Variants in EVI5 observed in about 807,000 individuals in gnomAD.
The protein encoded by EVI5 is ecotropic viral integration site 5 protein homolog.
Under a neutral mutation model 112.0 loss-of-function variants are expected in EVI5, and 73 were observed. The observed-to-expected ratio is 0.65, with a 90% CI of 0.54 to 0.79. The LOEUF is 0.79. EVI5 is among the 30% of genes least tolerant of loss of function. The pLI, the probability that EVI5 is intolerant of heterozygous loss-of-function variation, is 0.00. For synonymous variants in EVI5, 305 were observed against 319.9 expected (o/e 0.95, Z 0.50); for missense variants, 900 against 968.8 (o/e 0.93, Z 0.94).
intron 13 of EVI5, among the ~76,000 whole-genome samples, chr1:92,643,575 T>C (rs1660398334): frequency 6.6e-6 from 1 of 152,184 alleles, no homozygotes; most frequent in Non-Finnish European, 1.5e-5. Flanking sequence ...TGCCTGGCCT[T>C]CAATCATTTT....
At chr1:92,654,473 C>G (rs529011264) in intron 13 of EVI5, among the ~76,000 whole-genome samples, 47 of 152,200 alleles carry the variant, frequency 3.1e-4, no homozygotes, top group African/African-American at 1.0e-3. Flanking sequence ...TACATTCTGC[C>G]AAGGAAGCAC....
At chr1:92,745,641 T>C (rs933369669) in intron 1 of EVI5, among the ~76,000 whole-genome samples, 2 of 151,848 alleles carry the variant, frequency 1.3e-5, no homozygotes, top group Admixed American at 1.3e-4. Flanking sequence ...TAATGAGACC[T>C]CATCTCTACA....
chr1:92,665,460 T>C (rs746973543), intron 11 of EVI5, among the ~76,000 whole-genome samples: 10 of 152,100 alleles, frequency 6.6e-5, no homozygotes, highest in Non-Finnish European at 1.3e-4. Flanking sequence ...GAACTAAAAG[T>C]TTATGCACAA....
At chr1:92,570,362 C>CACT (rs1243401179) in intron 18 of EVI5, among the ~76,000 whole-genome samples, 1 of 151,974 alleles carries the variant, frequency 6.6e-6, no homozygotes, top group Non-Finnish European at 1.5e-5. Context: ...AGGTCATACT[C>CACT]ACTCCCTTGG....
chr1:92,679,695 G>T (rs986962763), intron 9 of EVI5, among the ~76,000 whole-genome samples: 3 of 152,148 alleles, frequency 2.0e-5, no homozygotes, highest in African/African-American at 7.2e-5. Context: ...TAAAGCCCAT[G>T]ACAGTTTTGA....
At chr1:92,777,297 T>G (rs1480426019) in intron 1 of EVI5, among the ~76,000 whole-genome samples, 1 of 152,206 alleles carries the variant, frequency 6.6e-6, no homozygotes, top group Non-Finnish European at 1.5e-5. Flanking sequence ...GAACTATTAT[T>G]CATGCAACAT....
At chr1:92,551,966 T>A (rs1218534521) in intron 19 of EVI5, among the ~76,000 whole-genome samples, 1 of 152,168 alleles carries the variant, frequency 6.6e-6, no homozygotes, top group African/African-American at 2.4e-5. Flanking sequence ...GACCATCTCT[T>A]CAGAAATTTA....
chr1:92,606,392 T>C (rs980263637), intron 17 of EVI5, among the ~76,000 whole-genome samples: 1 of 152,184 alleles, frequency 6.6e-6, no homozygotes, highest in Non-Finnish European at 1.5e-5. Flanking sequence ...AAGATTAAAT[T>C]TAGTTATCTA....
chr1:92,765,810 T>A (rs1426094402), intron 1 of EVI5, among the ~76,000 whole-genome samples: 1 of 152,150 alleles, frequency 6.6e-6, no homozygotes, highest in Non-Finnish European at 1.5e-5. Context: ...GCATGGTGGT[T>A]CATGCCTGTA....
intron 19 of EVI5, among the ~76,000 whole-genome samples, chr1:92,520,693 A>G (rs911210359): frequency 1.3e-5 from 2 of 151,740 alleles, no homozygotes; most frequent in African/African-American, 4.8e-5. Flanking sequence ...TCTACAAAAA[A>G]CACAAAAATT....
chr1:92,555,042 T>A (rs1381957897), intron 19 of EVI5, among the ~76,000 whole-genome samples: 1 of 152,156 alleles, frequency 6.6e-6, no homozygotes, highest in Admixed American at 6.6e-5. Flanking sequence ...GGCTGTAAGA[T>A]TAAAAAGCAG....
chr1:92,705,719 C>T (rs1280171298), intron 2 of EVI5, among the ~76,000 whole-genome samples: 3 of 152,166 alleles, frequency 2.0e-5, no homozygotes, highest in South Asian at 2.1e-4. Flanking sequence ...AGGTGGAAAA[C>T]GTAGCTCTAT....
Position 92,648,453 on chromosome 1 carries a change from T to C in EVI5, c.1393-12117A>G, listed in dbSNP as rs116631715. On this transcript the variant is annotated intron_variant, in intron 13 of 19. Transcript: ENST00000684568. ...GTGTCTTATAGTATATTAAGAATGT[T>C]GTATGACCATCCACATCTAGTTCCA... Among the ~76,000 whole-genome samples the C allele has an allele frequency of 6.0e-3, 917 of 152,210 alleles. 9 individuals are homozygous for C. Among genetic ancestry groups the C allele is most frequent in the African/African-American group, 0.021 (890 of 41,546 alleles).
intron 18 of EVI5, among the ~76,000 whole-genome samples, chr1:92,591,491 AACAAAGATC>A: frequency 6.6e-6 from 1 of 152,342 alleles, no homozygotes; most frequent in East Asian, 1.9e-4. Context: ...ACTTTAAACC[AACAAAGATC>A]AAAAGAGACA....
At chr1:92,692,832 A>G (rs1669706755) in intron 9 of EVI5, among the ~76,000 whole-genome samples, 1 of 152,246 alleles carries the variant, frequency 6.6e-6, no homozygotes, top group African/African-American at 2.4e-5. Flanking sequence ...GCTAGCATAC[A>G]GTACTGTTAT....
intron 1 of EVI5, among the ~76,000 whole-genome samples, chr1:92,771,568 CT>C (rs1483653963): frequency 3.3e-5 from 5 of 151,806 alleles, no homozygotes; most frequent in Admixed American, 2.6e-4. Context: ...ATCTACCTCC[CT>C]ACCAATTCCT....
chr1:92,520,109 T>C (rs1010764162), intron 19 of EVI5, among the ~76,000 whole-genome samples: 2 of 152,146 alleles, frequency 1.3e-5, no homozygotes, highest in African/African-American at 2.4e-5. Flanking sequence ...AAGTTGTGCA[T>C]ATAGTTGCAA....
chr1:92,783,091 G>A (rs1685072904), intron 1 of EVI5, among the ~76,000 whole-genome samples: 1 of 152,038 alleles, frequency 6.6e-6, no homozygotes, highest in Admixed American at 6.5e-5. Context: ...AAAATGCTAG[G>A]ATCACATGCG....
At chr1:92,753,122 A>T (rs898022896) in intron 1 of EVI5, among the ~76,000 whole-genome samples, 1 of 132,980 alleles carries the variant, frequency 7.5e-6, no homozygotes, top group Non-Finnish European at 1.7e-5. Flanking sequence ...CCAGATAAAC[A>T]AAGAGTCAGG....
Sources: gnomAD v4.1 joint callset for allele counts (sites outside exome capture counted in the v4.1 genomes callset) on GRCh38, gnomAD v4.1.1 for gene constraint, MANE v1.5 for transcripts, NCBI Gene and HGNC (gene_info 2026-07-23, HGNC 2026-07-21) for gene names.